The following ELOVL5 variants were observed in gnomAD, a reference collection of about 807,000 sequenced individuals.
The protein encoded by ELOVL5 is very long chain fatty acid elongase 5.
ELOVL5 carries 8 observed loss-of-function variants against 38.6 expected under a neutral mutation model. That is an observed-to-expected ratio of 0.21 (90% CI 0.12 to 0.37). The LOEUF (loss-of-function observed/expected upper bound fraction) is 0.37, where lower values mean the gene tolerates loss of function less well. Ranked by LOEUF, ELOVL5 falls within the 10% of genes least tolerant of loss-of-function variation. ELOVL5 has a pLI of 1.00. For missense variants in ELOVL5, 280 were observed against 367.8 expected (o/e 0.76, Z 1.95); for synonymous variants, 127 against 133.7 (o/e 0.95, Z 0.34).
At chr6:53,316,588 G>A (rs1228233943) in intron 1 of ELOVL5, among the ~76,000 whole-genome samples, 4 of 151,768 alleles carry the variant, frequency 2.6e-5, no homozygotes, top group Non-Finnish European at 5.9e-5. Context: ...TCAGCATCAG[G>A]TTGGTTAAAA....
intron 3 of ELOVL5, among the ~76,000 whole-genome samples, chr6:53,281,062 G>A (rs554964740): frequency 6.6e-6 from 1 of 152,286 alleles, no homozygotes; most frequent in South Asian, 2.1e-4. Flanking sequence ...AGAAAAAGGA[G>A]GAAAACATCA....
intron 7 of ELOVL5, among the ~76,000 whole-genome samples, chr6:53,270,218 A>G (rs1292751494): frequency 6.6e-6 from 1 of 152,218 alleles, no homozygotes. Flanking sequence ...ATATCTGAGG[A>G]CTGTGATAAA....
intron 5 of ELOVL5, among the ~76,000 whole-genome samples, chr6:53,274,723 C>T (rs1359941516): frequency 6.6e-6 from 1 of 152,230 alleles, no homozygotes; most frequent in Non-Finnish European, 1.5e-5. Flanking sequence ...ATGAGCCTTG[C>T]TCCCTGGTAC....
intron 1 of ELOVL5, 40 bp downstream of exon 1, chr6:53,348,777 G>A (rs1159215602): frequency 2.2e-6 from 1 of 452,934 alleles, no homozygotes; most frequent in Non-Finnish European, 4.4e-6. Context: ...ATGGCCGAGC[G>A]GCGGCCCCCG....
In ELOVL5 at chr6:53,306,385, A is replaced by AG. The variant is rs1482681105; in HGVS notation, c.-8-10679dup. Among the ~76,000 whole-genome samples, 22 of 15,002 alleles carry AG rather than the reference A, an allele frequency of 1.5e-3. 4 individuals carry two copies. Among genetic ancestry groups the AG allele is most frequent in the African/African-American group, 2.9e-3 (1 of 348 alleles). The allele number at this position is 15,002 out of a possible 152,430, so 9.8% of individuals were successfully genotyped here. Reference sequence around the variant, plus strand: ...GAGAGAGGGGAGAGGGAGAGGGGAGAGAGAGAGGGGAGAGGGGCAAACACA... The same window carrying AG: ...GAGAGAGGGGAGAGGGAGAGGGGAGAGGAGAGAGGGGAGAGGGGCAAACACA... On this transcript the variant is annotated intron_variant, in intron 1 of 7. Transcript: ENST00000304434.
At chr6:53,296,789 ATTC>A (rs1242475168) in intron 1 of ELOVL5, among the ~76,000 whole-genome samples, 1 of 152,182 alleles carries the variant, frequency 6.6e-6, no homozygotes, top group Admixed American at 6.5e-5. Context: ...TTTCCTGGCC[ATTC>A]TTCTTACAGG....
At chr6:53,305,351 G>A (rs1478721345) in intron 1 of ELOVL5, among the ~76,000 whole-genome samples, 9 of 125,074 alleles carry the variant, frequency 7.2e-5, no homozygotes, top group African/African-American at 2.6e-4. Flanking sequence ...CCTCCCTCCC[G>A]GACGGGGCGG....
At chr6:53,303,134 C>A (rs973910961) in intron 1 of ELOVL5, among the ~76,000 whole-genome samples, 4 of 152,134 alleles carry the variant, frequency 2.6e-5, no homozygotes, top group Non-Finnish European at 5.9e-5. Context: ...AACCCTGATT[C>A]TAGAATTTAA....
At chr6:53,317,392 C>A (rs1003096569) in intron 1 of ELOVL5, among the ~76,000 whole-genome samples, 2 of 152,166 alleles carry the variant, frequency 1.3e-5, no homozygotes, top group African/African-American at 4.8e-5. Context: ...CTGGAACCAA[C>A]CCAAATGTCC....
chr6:53,301,723 A>G (rs1767259496), intron 1 of ELOVL5, among the ~76,000 whole-genome samples: 1 of 138,206 alleles, frequency 7.2e-6, no homozygotes, highest in South Asian at 2.3e-4. Context: ...ACGGGCAGGT[A>G]AATTAGAACC....
At chr6:53,342,983 G>A (rs1769390586) in intron 1 of ELOVL5, among the ~76,000 whole-genome samples, 1 of 152,196 alleles carries the variant, frequency 6.6e-6, no homozygotes, top group African/African-American at 2.4e-5. Flanking sequence ...TTACCATGGA[G>A]CAAACACGCC....
chr6:53,339,919 G>T (rs1769255173), intron 1 of ELOVL5, among the ~76,000 whole-genome samples: 1 of 152,192 alleles, frequency 6.6e-6, no homozygotes, highest in South Asian at 2.1e-4. Context: ...CAGCTCATGT[G>T]TGTTACTGCT....
At chr6:53,327,819 C>T (rs1768616075) in intron 1 of ELOVL5, among the ~76,000 whole-genome samples, 2 of 152,174 alleles carry the variant, frequency 1.3e-5, no homozygotes. Context: ...TTATTCATCT[C>T]CCATCTGCCT....
intron 1 of ELOVL5, among the ~76,000 whole-genome samples, chr6:53,300,824 G>A (rs977017691): frequency 1.2e-4 from 18 of 152,322 alleles, no homozygotes; most frequent in African/African-American, 4.1e-4. Context: ...TGTGGCCAAC[G>A]GGCTAGGAAC....
At chr6:53,286,632 G>A (rs2127572381) in intron 3 of ELOVL5, among the ~76,000 whole-genome samples, 1 of 152,142 alleles carries the variant, frequency 6.6e-6, no homozygotes, top group Non-Finnish European at 1.5e-5. Context: ...TTATAAAATG[G>A]TGTAATAAAT....
At chr6:53,306,041 A>C (rs552798270) in intron 1 of ELOVL5, among the ~76,000 whole-genome samples, 1 of 151,386 alleles carries the variant, frequency 6.6e-6, no homozygotes, top group Admixed American at 6.6e-5. Flanking sequence ...GTCTCCACCA[A>C]AAAAATAAGA....
chr6:53,297,742 A>G (rs894424686), intron 1 of ELOVL5, among the ~76,000 whole-genome samples: 2 of 152,116 alleles, frequency 1.3e-5, no homozygotes, highest in African/African-American at 4.8e-5. Flanking sequence ...CTGCAGATTT[A>G]GGCTTCCATT....
rs1334285010 is a variant in ELOVL5, at chr6:53,305,013, C to T, written c.-8-9306G>A. ...CCCAGTAGGGGCGGCCAGGCAGAGG[C>T]GCCCCTCACCTCCCGGACGGGGCGG... is the stretch of plus-strand genomic sequence containing the variant. On this transcript the variant is annotated intron_variant, in intron 1 of 7. Transcript: ENST00000304434. Among the ~76,000 whole-genome samples the T allele has an allele frequency of 3.2e-3, 477 of 151,036 alleles. 2 individuals are homozygous for T. Among genetic ancestry groups the T allele is most frequent in the African/African-American group, 0.01 (414 of 40,996 alleles).
At chr6:53,346,716 A>C (rs545671734) in intron 1 of ELOVL5, among the ~76,000 whole-genome samples, 1 of 152,378 alleles carries the variant, frequency 6.6e-6, no homozygotes, top group Non-Finnish European at 1.5e-5. Context: ...CCTCAAGAAA[A>C]GTAAACAGTT....
Sources: gnomAD v4.1 joint callset for allele counts (sites outside exome capture counted in the v4.1 genomes callset) on GRCh38, gnomAD v4.1.1 for gene constraint, MANE v1.5 for transcripts, NCBI Gene and HGNC (gene_info 2026-07-23, HGNC 2026-07-21) for gene names.